CCSER1: variants seen among roughly 807,000 people sequenced by gnomAD.
CCSER1 encodes serine-rich coiled-coil domain-containing protein 1.
A neutral mutation model predicts 82.0 loss-of-function variants in CCSER1; 41 were observed. The observed-to-expected ratio is 0.50, with a 90% CI of 0.39 to 0.65. The LOEUF is 0.65. CCSER1 is among the 30% of genes least tolerant of loss of function. The pLI, the probability that CCSER1 is intolerant of heterozygous loss-of-function variation, is 0.00. For synonymous variants in CCSER1, 414 were observed against 383.9 expected (o/e 1.08, Z -0.92); for missense variants, 1,119 against 1,064.2 (o/e 1.05, Z -0.72).
At chr4:90,278,310 A>C (rs1232739865) in intron 1 of CCSER1, among the ~76,000 whole-genome samples, 1 of 152,156 alleles carries the variant, frequency 6.6e-6, no homozygotes, top group African/African-American at 2.4e-5. Flanking sequence ...CATTCAACCC[A>C]GCAATCCCAT....
At chr4:91,267,266 C>A (rs1412235668) in intron 10 of CCSER1, among the ~76,000 whole-genome samples, 2 of 152,048 alleles carry the variant, frequency 1.3e-5, no homozygotes, top group Non-Finnish European at 2.9e-5. Context: ...CAATTCATCT[C>A]TTAGTTCTTT....
intron 9 of CCSER1, among the ~76,000 whole-genome samples, chr4:91,010,644 T>C (rs1035593682): frequency 2.2e-5 from 3 of 135,410 alleles, no homozygotes; most frequent in African/African-American, 7.4e-5. Context: ...TAATTTTACA[T>C]GATGTATCTT....
At position 91,494,809 on chromosome 4, in the gene CCSER1, TATG is replaced by T. The variant is rs1758719080; in HGVS notation, c.2218-103760_2218-103758del. ...TATAAAAACAGATTAAAGCTAATTG[TATG>T]ATATTTATTTCATCAAAATGGTTGG... On this transcript the variant is annotated intron_variant, in intron 10 of 10. Coordinates refer to ENST00000509176, the MANE Select transcript of CCSER1 (RefSeq NM_001145065.2). Among the ~76,000 whole-genome samples, 8 of 151,978 alleles carry T rather than the reference TATG, an allele frequency of 5.3e-5. No homozygotes were observed. The South Asian group carries it at 1.7e-3, about 31-fold the overall frequency.
chr4:90,195,655 G>T (rs912187073), intron 1 of CCSER1, among the ~76,000 whole-genome samples: 1 of 152,026 alleles, frequency 6.6e-6, no homozygotes, highest in South Asian at 2.1e-4. Flanking sequence ...GGAGCAGGGG[G>T]TATATGGGAA....
chr4:90,349,621 G>A (rs1171919493), intron 3 of CCSER1, among the ~76,000 whole-genome samples: 2 of 151,746 alleles, frequency 1.3e-5, no homozygotes, highest in East Asian at 3.9e-4. Context: ...TGTTTGTCAC[G>A]TATTTCATTT....
At chr4:91,341,755 C>G (rs1747733861) in intron 10 of CCSER1, among the ~76,000 whole-genome samples, 1 of 152,194 alleles carries the variant, frequency 6.6e-6, no homozygotes, top group African/African-American at 2.4e-5. Context: ...GTTGGCCAGT[C>G]TGGTCTCTTG....
chr4:90,660,077 G>A (rs1465407995), intron 6 of CCSER1, among the ~76,000 whole-genome samples: 2 of 151,628 alleles, frequency 1.3e-5, no homozygotes, highest in African/African-American at 2.4e-5. Flanking sequence ...ATACACTGTT[G>A]GTGGAAATGT....
At chr4:90,988,949 A>G (rs1488634648) in intron 9 of CCSER1, among the ~76,000 whole-genome samples, 1 of 151,768 alleles carries the variant, frequency 6.6e-6, no homozygotes, top group Non-Finnish European at 1.5e-5. Flanking sequence ...TTGGCTAGAC[A>G]CAGCATCTCC....
At chr4:90,731,862 C>T (rs958662787) in intron 7 of CCSER1, among the ~76,000 whole-genome samples, 3 of 152,134 alleles carry the variant, frequency 2.0e-5, no homozygotes, top group East Asian at 3.9e-4. Flanking sequence ...TTCTGTAGGT[C>T]GACTAGACTC....
At chr4:91,366,022 TG>T (rs1028844590) in intron 10 of CCSER1, among the ~76,000 whole-genome samples, 12 of 152,114 alleles carry the variant, frequency 7.9e-5, no homozygotes, top group African/African-American at 2.9e-4. Context: ...TCACCTTCTT[TG>T]GGGGGTAGGG....
At chr4:90,350,456 A>C (rs547440235) in intron 3 of CCSER1, among the ~76,000 whole-genome samples, 1 of 152,254 alleles carries the variant, frequency 6.6e-6, no homozygotes, top group East Asian at 1.9e-4. Context: ...TGAAGAAATA[A>C]AAATTGGAAA....
rs1775395647 is a variant in CCSER1 at position 90,536,566 on chromosome 4, G to GTGTATT, written c.1724+68215_1724+68220dup. Among the ~76,000 whole-genome samples the GTGTATT allele has an allele frequency of 2.0e-5, 3 of 152,304 alleles. No homozygotes were observed. The South Asian group carries it at 6.2e-4, about 32-fold the overall frequency. ...GTGTGTGGCAACTGTGGCCTTCGATGTGTATTTGGAGTCAGTCTGTACCTT... is the reference window on the plus strand; with the variant it reads ...GTGTGTGGCAACTGTGGCCTTCGATGTGTATTTGTATTTGGAGTCAGTCTGTACCTT... On this transcript the variant is annotated intron_variant, in intron 5 of 10. Transcript: ENST00000509176.
intron 10 of CCSER1, among the ~76,000 whole-genome samples, chr4:91,548,980 A>T (rs926556579): frequency 6.6e-6 from 1 of 152,068 alleles, no homozygotes; most frequent in Non-Finnish European, 1.5e-5. Flanking sequence ...TCCTTCTGAT[A>T]TTCCCATTAT....
chr4:91,106,563 A>G lies in CCSER1; in HGVS notation c.2217+20569A>G, dbSNP rs1030420791. 2.6e-5 allele frequency among the ~76,000 whole-genome samples: 4 copies of G among 152,088 alleles called. 1 individual carries two copies. The South Asian group carries it at 8.3e-4, about 31-fold the overall frequency. On this transcript the variant is annotated intron_variant, in intron 10 of 10. Coordinates refer to ENST00000509176, the MANE Select transcript of CCSER1 (RefSeq NM_001145065.2). The stretch of plus-strand genomic sequence containing the variant: ...TATCTTGCCTACCTATTCATTGCCT[A>G]TAGGTGTTATCTCATCCAAGACATG...
At chr4:91,327,116 C>T (rs576591250) in intron 10 of CCSER1, among the ~76,000 whole-genome samples, 1 of 152,342 alleles carries the variant, frequency 6.6e-6, no homozygotes, top group South Asian at 2.1e-4. Flanking sequence ...CTCACAGCTT[C>T]ACTAATCAGT....
intron 7 of CCSER1, among the ~76,000 whole-genome samples, chr4:90,746,415 T>C (rs1260399859): frequency 6.6e-6 from 1 of 152,290 alleles, no homozygotes; most frequent in Non-Finnish European, 1.5e-5. Context: ...AAATTAGCCA[T>C]TGGGAACTTA....
intron 5 of CCSER1, among the ~76,000 whole-genome samples, chr4:90,590,276 T>C (rs1351094054): frequency 1.3e-5 from 2 of 151,796 alleles, no homozygotes; most frequent in African/African-American, 4.8e-5. Context: ...AGTGAGACTC[T>C]GTCTCAAAAA....
rs189844973 is a variant in CCSER1, at chr4:91,169,390, G to A, written c.2217+83396G>A. 1.8e-3 allele frequency among the ~76,000 whole-genome samples: 267 copies of A among 152,176 alleles called. 1 individual carries two copies. The highest frequency in any genetic ancestry group is 3.4e-3 in the Middle Eastern group (1 of 294). ...AATCCCAGCACTTTGGGAGGCCGAG[G>A]CGGGTGGATCATTTGAGGTCAGGAG... On this transcript the variant is annotated intron_variant, in intron 10 of 10. Transcript: ENST00000509176.
At chr4:91,464,597 T>C (rs1756749982) in intron 10 of CCSER1, among the ~76,000 whole-genome samples, 1 of 152,142 alleles carries the variant, frequency 6.6e-6, no homozygotes, top group African/African-American at 2.4e-5. Flanking sequence ...CTGTGCTGTA[T>C]TCAGGAAATC....
Sources: allele counts gnomAD v4.1 joint callset (sites outside exome capture counted in the v4.1 genomes callset), GRCh38; gene constraint gnomAD v4.1.1; transcripts MANE v1.5; gene names NCBI Gene and HGNC (gene_info 2026-07-23, HGNC 2026-07-21).